The following LIN7A variants were observed in gnomAD, a reference collection of about 807,000 sequenced individuals.
LIN7A encodes protein lin-7 homolog A.
LIN7A carries 25 observed loss-of-function variants against 29.8 expected under a neutral mutation model. The ratio of observed to expected loss-of-function variants is 0.84; its 90% CI spans 0.61 to 1.17. The LOEUF is 1.17. LIN7A is among the 50% of genes most tolerant of loss of function. The pLI is 0.00. For synonymous variants in LIN7A, 118 were observed against 107.5 expected (o/e 1.10, Z -0.60); for missense variants, 239 against 287.0 (o/e 0.83, Z 1.21).
chr12:80,903,377 C>A (rs886845758), intron 1 of LIN7A, among the ~76,000 whole-genome samples: 5 of 152,020 alleles, frequency 3.3e-5, no homozygotes, highest in African/African-American at 4.8e-5. Flanking sequence ...CCTTTCAAGT[C>A]TCCAGTGTCT....
At chr12:80,817,267 G>GCT (rs59438077) in intron 4 of LIN7A, among the ~76,000 whole-genome samples, 6,141 of 152,068 alleles carry the variant, frequency 0.04, 416 homozygotes, top group African/African-American at 0.14. Context: ...CATGACATGT[G>GCT]CTCTCTCTCT....
chr12:80,892,699 A>C (rs550033319), intron 1 of LIN7A, among the ~76,000 whole-genome samples: 1 of 152,120 alleles, frequency 6.6e-6, no homozygotes, highest in East Asian at 1.9e-4. Context: ...GAGAGGCTTT[A>C]AAAAAACACA....
chr12:80,915,576 T>G (rs555735480), intron 1 of LIN7A, among the ~76,000 whole-genome samples: 22 of 152,252 alleles, frequency 1.4e-4, no homozygotes, highest in Non-Finnish European at 3.2e-4. Context: ...TGAACTCTTA[T>G]GTTCATCACA....
At chr12:80,909,485 C>T (rs760061589) in intron 1 of LIN7A, among the ~76,000 whole-genome samples, 35 of 152,086 alleles carry the variant, frequency 2.3e-4, no homozygotes, top group Non-Finnish European at 4.0e-4. Context: ...AATTATTTCT[C>T]TCAGTTCTGG....
intron 2 of LIN7A, among the ~76,000 whole-genome samples, chr12:80,877,111 G>C (rs1308861197): frequency 9.2e-6 from 1 of 108,894 alleles, no homozygotes; most frequent in Non-Finnish European, 1.9e-5. Flanking sequence ...AACAGAGAGA[G>C]ACTCTGTCTC....
chr12:80,926,096 T>C (rs1222057348), intron 1 of LIN7A, among the ~76,000 whole-genome samples: 2 of 152,200 alleles, frequency 1.3e-5, no homozygotes, highest in African/African-American at 4.8e-5. Flanking sequence ...CAGAATCTCA[T>C]GGTGTAGCTT....
chr12:80,824,421 C>T (rs1871961075), intron 4 of LIN7A, among the ~76,000 whole-genome samples: 1 of 152,006 alleles, frequency 6.6e-6, no homozygotes, highest in South Asian at 2.1e-4. Flanking sequence ...GGATTCACAG[C>T]TGAATTCTAT....
At chr12:80,926,504 T>C (rs1877588847) in intron 1 of LIN7A, among the ~76,000 whole-genome samples, 1 of 152,224 alleles carries the variant, frequency 6.6e-6, no homozygotes, top group South Asian at 2.1e-4. Flanking sequence ...ACTAATATTA[T>C]CTAACAGCTT....
chr12:80,831,122 T>C (rs916319785), intron 4 of LIN7A, among the ~76,000 whole-genome samples: 5 of 152,196 alleles, frequency 3.3e-5, no homozygotes, highest in African/African-American at 7.2e-5. Flanking sequence ...CTGCTTCAAA[T>C]TGTACAATGT....
chr12:80,805,532 G>T (rs1356940437), intron 5 of LIN7A, among the ~76,000 whole-genome samples: 1 of 152,084 alleles, frequency 6.6e-6, no homozygotes, highest in South Asian at 2.1e-4. Flanking sequence ...TAGCCATGGA[G>T]GTCAGGGACA....
chr12:80,845,873 T>A lies in LIN7A; in HGVS notation c.340A>T (p.Thr114Ser), dbSNP rs748669258. The A allele has an allele frequency of 2.5e-6, 4 of 1,612,858 alleles. No individual in the cohort carries two copies. The highest frequency in any genetic ancestry group is 2.5e-6 in the Non-Finnish European group (3 of 1,179,688). Residue 114 changes from threonine to serine, a missense_variant, in exon 4 of 6, where the codon ACT (threonine) becomes TCT (serine). Thr to Ser is a moderately conservative substitution (Grantham distance 58). Transcript: ENST00000552864. Reference protein sequence around the residue: ...SHPRVVELPKTDEGLGFNVMG... With the variant: ...SHPRVVELPKSDEGLGFNVMG... ...ACATTAAAACCAAGGCCTTCATCAGTCTTTGGCAGTTCAACTACTCGAGGG... is the reference window on the plus strand; with the variant it reads ...ACATTAAAACCAAGGCCTTCATCAGACTTTGGCAGTTCAACTACTCGAGGG...
At chr12:80,915,097 A>G (rs1281587601) in intron 1 of LIN7A, among the ~76,000 whole-genome samples, 1 of 151,636 alleles carries the variant, frequency 6.6e-6, no homozygotes, top group African/African-American at 2.4e-5. Flanking sequence ...TTCACAAACT[A>G]TATATCTGGC....
chr12:80,811,345 A>T, intron 5 of LIN7A, 120 bp downstream of exon 5: 2 of 460,146 alleles, frequency 4.3e-6, no homozygotes, highest in East Asian at 3.3e-5. Flanking sequence ...ATTTTGTTTC[A>T]GCTAAGAAAA....
chr12:80,895,738 A>T (rs1435825551), intron 1 of LIN7A, among the ~76,000 whole-genome samples: 1 of 152,016 alleles, frequency 6.6e-6, no homozygotes, highest in Non-Finnish European at 1.5e-5. Context: ...TCATCTTTGC[A>T]CCCTTCCTCT....
Position 80,811,644 on chromosome 12 carries a change from G to A in LIN7A, c.523C>T (p.Leu175Phe), listed in dbSNP as rs1034089796. Reference sequence around the variant, plus strand: ...TTGACGCTGTCTTTAGCAGCCTTGAGTAGTTCCACAGCTTTCTCATGGTGT... The same window carrying A: ...TTGACGCTGTCTTTAGCAGCCTTGAATAGTTCCACAGCTTTCTCATGGTGT... ...GEHHEKAVEL[L>F]KAAKDSVKLV... Residue 175 changes from leucine (L) to phenylalanine (F), a missense_variant, in exon 5 of 6, where the codon CTC becomes TTC. Leu to Phe is a conservative substitution (Grantham distance 22, BLOSUM62 0). Transcript: ENST00000552864. 2 of 1,613,406 alleles carry A rather than the reference G, an allele frequency of 1.2e-6. No individual in the cohort carries two copies. The highest frequency in any genetic ancestry group is 1.7e-6 in the Non-Finnish European group (2 of 1,179,450).
chr12:80,832,820 G>A (rs1397539663), intron 4 of LIN7A, among the ~76,000 whole-genome samples: 3 of 152,124 alleles, frequency 2.0e-5, no homozygotes, highest in African/African-American at 7.2e-5. Flanking sequence ...TCATGAAAAT[G>A]AACTAATTTA....
intron 3 of LIN7A, among the ~76,000 whole-genome samples, chr12:80,847,909 T>G (rs1873151911): frequency 6.6e-6 from 1 of 152,206 alleles, no homozygotes. Context: ...CAAATAAATC[T>G]TCATGCACTG....
intron 1 of LIN7A, among the ~76,000 whole-genome samples, chr12:80,929,759 T>A (rs1207231569): frequency 6.6e-6 from 1 of 152,112 alleles, no homozygotes; most frequent in Non-Finnish European, 1.5e-5. Context: ...TATTTTAAAA[T>A]ATATATATGG....
intron 2 of LIN7A, among the ~76,000 whole-genome samples, chr12:80,863,375 T>C (rs1873972476): frequency 1.3e-5 from 2 of 152,210 alleles, no homozygotes; most frequent in Non-Finnish European, 2.9e-5. Flanking sequence ...AATCAAGTTC[T>C]AAGGTTTGAT....
Sources: allele counts gnomAD v4.1 joint callset (sites outside exome capture counted in the v4.1 genomes callset), GRCh38; gene constraint gnomAD v4.1.1; transcripts MANE v1.5; gene names NCBI Gene and HGNC (gene_info 2026-07-23, HGNC 2026-07-21).